CLNK: variants seen among roughly 807,000 people sequenced by gnomAD.
The protein encoded by CLNK is cytokine-dependent hematopoietic cell linker.
In CLNK, 74 loss-of-function variants were observed where a neutral mutation model predicts 68.6. The observed-to-expected ratio is 1.08, with a 90% confidence interval of 0.89 to 1.31. CLNK has a LOEUF of 1.31. Among genes scored for constraint, CLNK ranks in the 50% most tolerant of loss-of-function variants. The pLI, the probability that CLNK is intolerant of heterozygous loss-of-function variation, is 0.00. For synonymous variants in CLNK, 198 were observed against 172.2 expected (o/e 1.15, Z -1.17); for missense variants, 553 against 515.3 (o/e 1.07, Z -0.71).
rs550250842 is a variant in CLNK at position 10,501,392 on chromosome 4, C to G, written c.1004G>C (p.Arg335Pro). Residue 335 changes from arginine (R) to proline (P), a missense_variant, in exon 18 of 19, where the codon CGA (arginine) becomes CCA (proline). Arg to Pro is a moderately radical substitution (Grantham distance 103). Coordinates refer to ENST00000226951, the MANE Select transcript of CLNK (RefSeq NM_052964.4). ...TTCCTTGGATTTTGTGGAACAATCT[C>G]GGACCAAGAAACTACCATCCTGAAG... The part of the protein sequence containing the change: ...KENKDGSFLV[R>P]DCSTKSKEEP... 10 of 1,609,824 alleles carry G rather than the reference C, an allele frequency of 6.2e-6. No homozygotes were observed. The highest frequency in any genetic ancestry group is 8.5e-7 in the Non-Finnish European group (1 of 1,178,716).
At chr4:10,540,452 C>A (rs1284862243) in intron 11 of CLNK, 42 bp downstream of exon 11, 1 of 1,478,268 alleles carries the variant, frequency 6.8e-7, no homozygotes. Context: ...CCCACACCCA[C>A]ACTCTTGCTG....
intron 2 of CLNK, among the ~76,000 whole-genome samples, chr4:10,654,948 A>G (rs1723905322): frequency 6.6e-6 from 1 of 152,048 alleles, no homozygotes; most frequent in East Asian, 1.9e-4. Flanking sequence ...TAAAAATATA[A>G]AAAATTAGCT....
chr4:10,499,871 A>G (rs966527652), intron 18 of CLNK, among the ~76,000 whole-genome samples: 3 of 152,102 alleles, frequency 2.0e-5, no homozygotes, highest in African/African-American at 7.2e-5. Flanking sequence ...TCTTGTCATA[A>G]GAACATCTCT....
chr4:10,630,848 G>A (rs1322193920), intron 2 of CLNK, among the ~76,000 whole-genome samples: 1 of 152,186 alleles, frequency 6.6e-6, no homozygotes, highest in South Asian at 2.1e-4. Context: ...CCATCTGCTT[G>A]TAGCAGGTAA....
At chr4:10,510,996 T>C (rs566459516) in intron 16 of CLNK, among the ~76,000 whole-genome samples, 1 of 152,130 alleles carries the variant, frequency 6.6e-6, no homozygotes, top group Non-Finnish European at 1.5e-5. Context: ...GTACTGAAAA[T>C]ACAAAATTAG....
the CLNK span, among the ~76,000 whole-genome samples, chr4:10,690,311 A>G: frequency 1.3e-5 from 2 of 152,158 alleles, no homozygotes; most frequent in Non-Finnish European, 2.9e-5. Context: ...AGGGCTCAGT[A>G]TAAGAGCTCA....
At chr4:10,644,982 C>T (rs1015582994) in intron 2 of CLNK, among the ~76,000 whole-genome samples, 1 of 152,232 alleles carries the variant, frequency 6.6e-6, no homozygotes, top group African/African-American at 2.4e-5. Context: ...CAGTTCATAG[C>T]TGGGTAAGCA....
intron 3 of CLNK, among the ~76,000 whole-genome samples, chr4:10,589,364 GCT>G (rs1446087201): frequency 1.3e-5 from 2 of 152,146 alleles, no homozygotes; most frequent in Non-Finnish European, 2.9e-5. Flanking sequence ...TTGTCTGGGA[GCT>G]TCCTCCCAAT....
intron 1 of CLNK, among the ~76,000 whole-genome samples, chr4:10,677,541 G>A (rs1322295550): frequency 6.6e-6 from 1 of 152,080 alleles, no homozygotes; most frequent in Non-Finnish European, 1.5e-5. Context: ...TGCTGAGGGA[G>A]GGAGGAGGTG....
chr4:10,566,058 C>A lies in CLNK; in HGVS notation c.243G>T (p.Gln81His). 1 of 1,613,924 alleles carries A rather than the reference C, an allele frequency of 6.2e-7. No homozygotes were observed. Among genetic ancestry groups the A allele is most frequent in the Non-Finnish European group, 8.5e-7 (1 of 1,179,832 alleles). ...GCCGGGCTGGTAAAATTTTAATCGA[C>A]TGCCATGTCTCTTCCATCCGAAGCT... ...DPELRMEETW[Q>H]SIKILPARPI... Residue 81 changes from glutamine (Q) to histidine (H), a missense_variant, in exon 6 of 19, where the codon CAG becomes CAT. Physicochemically the swap from Gln to His is conservative, Grantham distance 24 (BLOSUM62 0). Coordinates refer to ENST00000226951, the MANE Select transcript of CLNK (RefSeq NM_052964.4).
Position 10,633,030 on chromosome 4 carries a change from T to C in CLNK, c.11+34829A>G, listed in dbSNP as rs188032025. 7.9e-5 allele frequency among the ~76,000 whole-genome samples: 12 copies of C among 152,312 alleles called. No individual in the cohort carries two copies. The East Asian group carries it at 1.7e-3, about 22-fold the overall frequency. On this transcript the variant is annotated intron_variant, in intron 2 of 18. Coordinates refer to ENST00000226951, the MANE Select transcript of CLNK (RefSeq NM_052964.4). ...TCAGCTCACTACAACTTCTGCCTCC[T>C]GGGTTCAAGCAATTCTCCTGTCTCA...
chr4:10,539,794 C>T (rs1017547617), intron 11 of CLNK, among the ~76,000 whole-genome samples: 1 of 152,148 alleles, frequency 6.6e-6, no homozygotes, highest in Non-Finnish European at 1.5e-5. Flanking sequence ...ATTTCTCCAG[C>T]CTGGGTGATG....
chr4:10,571,850 T>G, intron 4 of CLNK, 72 bp from the exon 5 acceptor site: 19 of 1,129,412 alleles, frequency 1.7e-5, no homozygotes, highest in Non-Finnish European at 2.4e-5. Context: ...GACTGGGCCC[T>G]TGTTTTTCTC....
At chr4:10,527,925 G>C (rs2109055524) in intron 13 of CLNK, 151 bp downstream of exon 13, 1 of 372,976 alleles carries the variant, frequency 2.7e-6, no homozygotes, top group East Asian at 3.9e-5. Flanking sequence ...GTATGTGTGT[G>C]CATCAGGATC....
intron 3 of CLNK, among the ~76,000 whole-genome samples, chr4:10,587,794 C>T (rs551085350): frequency 6.8e-4 from 103 of 152,292 alleles, no homozygotes; most frequent in African/African-American, 2.3e-3. Context: ...TTGACACCAG[C>T]CTATCTGCCT....
rs781022688 is a variant in CLNK, at chr4:10,667,873, T to C, written c.-4A>G. 1 of 1,589,512 alleles carries C rather than the reference T, an allele frequency of 6.3e-7. No individual in the cohort carries two copies. Among genetic ancestry groups the C allele is most frequent in the South Asian group, 1.1e-5 (1 of 87,166 alleles). On this transcript the variant is annotated 5_prime_UTR_variant, in exon 2 of 19. Transcript: ENST00000226951. The stretch of plus-strand genomic sequence containing the variant: ...ACGGTACTTACTGCCTGTTCATAGT[T>C]CTTGGCACCTGGCGGGTAAGAGGGA...
chr4:10,619,749 T>G (rs1308786793), intron 2 of CLNK, among the ~76,000 whole-genome samples: 1 of 151,976 alleles, frequency 6.6e-6, no homozygotes, highest in African/African-American at 2.4e-5. Flanking sequence ...GTGTGCTATG[T>G]GATCCACACA....
At position 10,525,941 on chromosome 4, in the gene CLNK, T is replaced by A; in HGVS notation, c.650-19A>T. 6.7e-7 allele frequency: 1 copy of A among 1,495,738 alleles called. No homozygotes were observed. Among genetic ancestry groups the A allele is most frequent in the South Asian group, 1.2e-5 (1 of 81,540 alleles). The allele number at this position is 1,495,738 out of a possible 1,614,324, so 92.7% of individuals were successfully genotyped here. ...TGAGGAACTATATAAAACAGTGACA[T>A]AATTTGGTCAGGTTGCAAAAGAAAA... On this transcript the variant is annotated intron_variant, in intron 13 of 18. Coordinates refer to ENST00000226951, the MANE Select transcript of CLNK (RefSeq NM_052964.4).
At chr4:10,656,579 TG>T (rs1723998956) in intron 2 of CLNK, 1 of 152,114 alleles carries the variant, frequency 6.6e-6, no homozygotes, top group South Asian at 2.1e-4. Context: ...ATGAAGTAAC[TG>T]GGTCACATAG....
Sources: gnomAD v4.1 joint callset for allele counts (sites outside exome capture counted in the v4.1 genomes callset) on GRCh38, gnomAD v4.1.1 for gene constraint, MANE v1.5 for transcripts, NCBI Gene and HGNC (gene_info 2026-07-23, HGNC 2026-07-21) for gene names.